The following CLIC5 variants were observed in gnomAD, a reference collection of about 807,000 sequenced individuals.
The protein encoded by CLIC5 is chloride intracellular channel protein 5.
CLIC5 carries 20 observed loss-of-function variants against 24.7 expected under a neutral mutation model. The observed-to-expected ratio is 0.81, with a 90% CI of 0.57 to 1.18. The LOEUF (loss-of-function observed/expected upper bound fraction) is 1.18, where lower values mean the gene tolerates loss of function less well. CLIC5 is among the 50% of genes most tolerant of loss of function. CLIC5 has a pLI of 0.00. For synonymous variants in CLIC5, 159 were observed against 135.6 expected (o/e 1.17, Z -1.20); for missense variants, 341 against 326.1 (o/e 1.05, Z -0.35).
At chr6:46,107,023 C>T in the CLIC5 span, among the ~76,000 whole-genome samples, 10 of 152,166 alleles carry the variant, frequency 6.6e-5, no homozygotes, top group Admixed American at 2.6e-4. Context: ...TATATTGTCC[C>T]AACTTAATTT....
intron 1 of CLIC5, among the ~76,000 whole-genome samples, chr6:45,969,447 G>A (rs983991279): frequency 2.6e-4 from 11 of 42,236 alleles, no homozygotes; most frequent in Non-Finnish European, 3.8e-4. Flanking sequence ...CCATGTCCCC[G>A]CCCCCACCCC....
At chr6:45,919,708 C>A (rs975263172) in intron 4 of CLIC5, among the ~76,000 whole-genome samples, 1 of 152,158 alleles carries the variant, frequency 6.6e-6, no homozygotes, top group Non-Finnish European at 1.5e-5. Context: ...GAGTTTAGAA[C>A]ATCTTAGACA....
chr6:45,931,681 T>G (rs955120595), intron 4 of CLIC5, among the ~76,000 whole-genome samples: 15 of 152,324 alleles, frequency 9.8e-5, no homozygotes, highest in Admixed American at 9.1e-4. Context: ...GTTTTTGAGA[T>G]GGAATCTTGC....
Position 46,080,125 on chromosome 6 carries a change from A to C in CLIC5, c.118T>G (p.Leu40Val), listed in dbSNP as rs1359946532. The C allele has an allele frequency of 1.3e-6, 2 of 1,551,744 alleles. No homozygotes were observed. Among genetic ancestry groups the C allele is most frequent in the Admixed American group, 2.0e-5 (1 of 51,008 alleles). ...GCATATAAATCATTTTCTGGCCTTAAGTACTCATGGACATCATCATAATGG... is the reference window on the plus strand; with the variant it reads ...GCATATAAATCATTTTCTGGCCTTACGTACTCATGGACATCATCATAATGG... Residue 40 changes from leucine to valine, a missense_variant, in exon 1 of 6, where the codon TTA becomes GTA. Leu to Val is a conservative substitution (Grantham distance 32). Transcript: ENST00000185206.
chr6:45,880,981 C>T (rs555207306), downstream of CLIC5: 27 of 394,534 alleles, frequency 6.8e-5, no homozygotes, highest in Admixed American at 1.8e-4. Flanking sequence ...AATGGGGGGA[C>T]GGGTGCAGGG....
chr6:46,118,649 G>C, the CLIC5 span, among the ~76,000 whole-genome samples: 1 of 152,160 alleles, frequency 6.6e-6, no homozygotes, highest in Non-Finnish European at 1.5e-5. Flanking sequence ...AAGATAATAT[G>C]ATTTTAACCA....
chr6:46,051,164 T>G (rs1263801139), intron 1 of CLIC5, among the ~76,000 whole-genome samples: 1 of 152,226 alleles, frequency 6.6e-6, no homozygotes, highest in Non-Finnish European at 1.5e-5. Context: ...TTTCCTCTCT[T>G]GCACTTGTAA....
At chr6:46,071,676 G>A (rs1421344255) in intron 1 of CLIC5, among the ~76,000 whole-genome samples, 2 of 152,066 alleles carry the variant, frequency 1.3e-5, no homozygotes, top group Non-Finnish European at 2.9e-5. Context: ...GCAGTGTGGT[G>A]GTGATTCCTC....
At chr6:45,911,572 A>T (rs1762821680) in intron 5 of CLIC5, 1 of 980,610 alleles carries the variant, frequency 1.0e-6, no homozygotes, top group African/African-American at 1.8e-5. Context: ...AGATAAAGGG[A>T]TCCAAAAGTA....
intron 1 of CLIC5, among the ~76,000 whole-genome samples, chr6:46,048,154 C>T (rs1209548569): frequency 6.6e-6 from 1 of 152,108 alleles, no homozygotes; most frequent in Non-Finnish European, 1.5e-5. Flanking sequence ...AGGTGCATGC[C>T]ACCACGCCTG....
At chr6:45,964,685 A>T in intron 1 of CLIC5, among the ~76,000 whole-genome samples, 1 of 152,204 alleles carries the variant, frequency 6.6e-6, no homozygotes, top group Non-Finnish European at 1.5e-5. Flanking sequence ...GAGATTTCAG[A>T]TTATTCCAGC....
At chr6:46,069,289 G>A (rs1232956388) in intron 1 of CLIC5, among the ~76,000 whole-genome samples, 1 of 152,064 alleles carries the variant, frequency 6.6e-6, no homozygotes, top group Non-Finnish European at 1.5e-5. Context: ...ACTAAAATCA[G>A]GGGAATGGCA....
At position 45,967,190 on chromosome 6, in the gene CLIC5, T is replaced by C. The variant is rs563481313; in HGVS notation, c.64-11946A>G. Among the ~76,000 whole-genome samples, 9 of 152,320 alleles carry C rather than the reference T, an allele frequency of 5.9e-5. No homozygotes were observed. The South Asian group carries it at 1.9e-3, about 32-fold the overall frequency. On this transcript the variant is annotated intron_variant, in intron 1 of 5. Transcript: ENST00000339561. ...AGCTGTATCTCCACTCTCAACTATA[T>C]GCAGGCACTTGGCCACTTGGGCAGG...
intron 1 of CLIC5, among the ~76,000 whole-genome samples, chr6:46,034,349 A>G (rs908532768): frequency 2.0e-5 from 3 of 152,246 alleles, no homozygotes; most frequent in Non-Finnish European, 4.4e-5. Flanking sequence ...AATCTTGGAG[A>G]TGGAAGGCAA....
chr6:45,939,057 C>T (rs1224816663), intron 4 of CLIC5, among the ~76,000 whole-genome samples: 1 of 152,194 alleles, frequency 6.6e-6, no homozygotes, highest in East Asian at 1.9e-4. Flanking sequence ...AGACTTTTCC[C>T]CTTACAGTTC....
At chr6:46,072,667 G>A (rs1762641806) in intron 1 of CLIC5, among the ~76,000 whole-genome samples, 1 of 151,976 alleles carries the variant, frequency 6.6e-6, no homozygotes, top group Non-Finnish European at 1.5e-5. Context: ...ATGATTATTT[G>A]GTGATGCTTC....
At chr6:45,942,982 C>T (rs1289075857) in intron 3 of CLIC5, among the ~76,000 whole-genome samples, 1 of 152,254 alleles carries the variant, frequency 6.6e-6, no homozygotes, top group African/African-American at 2.4e-5. Flanking sequence ...CTTCCCCCTC[C>T]ACTGCTTCTC....
the CLIC5 span, among the ~76,000 whole-genome samples, chr6:46,114,339 G>A: frequency 6.6e-6 from 1 of 152,178 alleles, no homozygotes; most frequent in African/African-American, 2.4e-5. Flanking sequence ...AGTGTTGGCT[G>A]CAAATTTTAC....
At chr6:45,885,032 G>A (rs940307962) in intron 6 of CLIC5, among the ~76,000 whole-genome samples, 10 of 114,126 alleles carry the variant, frequency 8.8e-5, no homozygotes, top group Non-Finnish European at 1.3e-4. Flanking sequence ...TCAGTTGAGA[G>A]ATCTAATTGA....
Sources: gnomAD v4.1 joint callset for allele counts (sites outside exome capture counted in the v4.1 genomes callset) on GRCh38, gnomAD v4.1.1 for gene constraint, MANE v1.5 for transcripts, NCBI Gene and HGNC (gene_info 2026-07-23, HGNC 2026-07-21) for gene names.